The following TMEM100 variants were observed in gnomAD, a reference collection of about 807,000 sequenced individuals.
The protein encoded by TMEM100 is transmembrane protein 100.
For synonymous variants in TMEM100, 61 were observed against 67.1 expected, an observed-to-expected ratio of 0.91 and a Z score of 0.44; for missense variants, 137 against 168.2, an observed-to-expected ratio of 0.81 and a Z score of 1.02.
chr17:55,725,575 C>T (rs551205766), upstream of TMEM100, among the ~76,000 whole-genome samples: 14 of 152,164 alleles, frequency 9.2e-5, no homozygotes, highest in East Asian at 1.5e-3. Context: ...CATTAGGGAC[C>T]GTAAACAAAG....
upstream of TMEM100, among the ~76,000 whole-genome samples, chr17:55,725,597 G>A (rs1909044389): frequency 1.3e-5 from 2 of 152,028 alleles, no homozygotes; most frequent in South Asian, 4.1e-4. Flanking sequence ...ACTCAGCAAG[G>A]CTTAAACACA....
At chr17:55,727,068 A>G (rs2144870596), upstream of TMEM100, among the ~76,000 whole-genome samples, 1 of 152,260 alleles carries the variant, frequency 6.6e-6, no homozygotes, top group South Asian at 2.1e-4. Flanking sequence ...CTCTTACCCC[A>G]TTTTGTTCTG....
Position 55,722,656 on chromosome 17 carries a change from G to C in TMEM100, c.-103C>G, listed in dbSNP as rs374846449. 9.2e-5 allele frequency: 14 copies of C among 152,306 alleles called. 1 individual carries two copies. Among genetic ancestry groups the C allele is most frequent in the Admixed American group, 7.8e-4 (12 of 15,302 alleles). 9.4% of individuals were successfully genotyped at this position (152,306 alleles called of 1,614,324 possible). A position where few individuals can be genotyped will look rare whatever the true frequency, so the allele number is the denominator to read the frequency against. On this transcript the variant is annotated 5_prime_UTR_variant, in exon 1 of 2. Coordinates refer to ENST00000424486, the MANE Select transcript of TMEM100 (RefSeq NM_018286.3). Reference sequence around the variant, plus strand: ...CAATCCATTACCAGAGTAACCACTTGACTTGGAAGACAAGAAACAGCAACG... The same window carrying C: ...CAATCCATTACCAGAGTAACCACTTCACTTGGAAGACAAGAAACAGCAACG...
At chr17:55,725,701 A>ATATGTGTGTGTG (rs71363812), upstream of TMEM100, among the ~76,000 whole-genome samples, 21 of 139,676 alleles carry the variant, frequency 1.5e-4, no homozygotes, top group African/African-American at 4.3e-4. Flanking sequence ...ACCCATATAT[A>ATATGTGTGTGTG]TGTGTGTGTG....
rs901393584 is a variant in TMEM100, at chr17:55,720,034, T to C, written c.*632A>G. The C allele has an allele frequency of 6.6e-6, 1 of 152,636 alleles. No homozygotes were observed. Among genetic ancestry groups the C allele is most frequent in the Non-Finnish European group, 1.5e-5 (1 of 68,040 alleles). 9.5% of individuals were successfully genotyped at this position (152,636 alleles called of 1,614,324 possible). On this transcript the variant is annotated 3_prime_UTR_variant, in exon 2 of 2. Coordinates refer to ENST00000424486, the MANE Select transcript of TMEM100 (RefSeq NM_018286.3). ...TTAATTTAACCCCCAACAGCATCTATTAGCTATAACTTTAATGGGTTTTTC... is the reference window on the plus strand; with the variant it reads ...TTAATTTAACCCCCAACAGCATCTACTAGCTATAACTTTAATGGGTTTTTC...
At chr17:55,729,466 G>C (rs2144873325) in intron 1 of TMEM100, among the ~76,000 whole-genome samples, 1 of 152,292 alleles carries the variant, frequency 6.6e-6, no homozygotes, top group Non-Finnish European at 1.5e-5. Context: ...TGTTAGCGTA[G>C]CTATTCACTT....
chr17:55,726,059 T>A, upstream of TMEM100, among the ~76,000 whole-genome samples: 1 of 152,156 alleles, frequency 6.6e-6, no homozygotes, highest in Non-Finnish European at 1.5e-5. Context: ...GTGGTGAGAA[T>A]GGCATTTGGT....
intron 1 of TMEM100, among the ~76,000 whole-genome samples, chr17:55,728,344 T>C (rs1488562836): frequency 3.3e-5 from 5 of 152,186 alleles, no homozygotes; most frequent in African/African-American, 1.2e-4. Flanking sequence ...TAACTAGATT[T>C]AGTTTGGGAA....
At chr17:55,723,320 T>C (rs1908968783), upstream of TMEM100, among the ~76,000 whole-genome samples, 1 of 152,186 alleles carries the variant, frequency 6.6e-6, no homozygotes, top group Non-Finnish European at 1.5e-5. Flanking sequence ...CCATTATTCT[T>C]TATATGTGCG....
At chr17:55,722,508 A>G (rs918310803) in intron 1 of TMEM100, 111 bp downstream of exon 1, 2 of 152,230 alleles carry the variant, frequency 1.3e-5, no homozygotes, top group Non-Finnish European at 2.9e-5. Context: ...ACTTCTGGTG[A>G]GGCCAGTTAA....
chr17:55,725,552 A>T (rs1909042619), upstream of TMEM100, among the ~76,000 whole-genome samples: 1 of 152,122 alleles, frequency 6.6e-6, no homozygotes, highest in Admixed American at 6.6e-5. Flanking sequence ...AGACAGGGGG[A>T]TGCAAATCAC....
chr17:55,720,372 A>G lies in TMEM100; in HGVS notation c.*294T>C. 1 of 339,866 alleles carries G rather than the reference A, an allele frequency of 2.9e-6. No individual in the cohort carries two copies. Among genetic ancestry groups the G allele is most frequent in the East Asian group, 4.8e-5 (1 of 20,824 alleles). The allele number at this position is 339,866 out of a possible 1,614,324, so 21.1% of individuals were successfully genotyped here. On this transcript the variant is annotated 3_prime_UTR_variant, in exon 2 of 2. Transcript: ENST00000424486. The stretch of plus-strand genomic sequence containing the variant: ...TTTCTCATCTTTTCTTGGCTACTTT[A>G]CAGGGTGAACCAAATACTGTCTAAT...
intron 1 of TMEM100, 147 bp from the exon 2 acceptor site, chr17:55,721,282 C>T (rs1908878826): frequency 1.8e-6 from 1 of 560,772 alleles, no homozygotes; most frequent in Non-Finnish European, 3.0e-6. Flanking sequence ...TGGTTGCATT[C>T]TCTTTGCATT....
chr17:55,723,312 A>G (rs1037782243), upstream of TMEM100, among the ~76,000 whole-genome samples: 4 of 149,436 alleles, frequency 2.7e-5, no homozygotes, highest in African/African-American at 1.0e-4. Flanking sequence ...TAGGTTTTCC[A>G]TTATTCTTTA....
In TMEM100 at chr17:55,720,613, C is replaced by A. The variant is rs2144860513; in HGVS notation, c.*53G>T. ...CCATGGTTCTGGGTGAATTGGGTGA[C>A]AAAGTCAGAGCACGTTTTCCAGGCC... is the stretch of plus-strand genomic sequence containing the variant. On this transcript the variant is annotated 3_prime_UTR_variant, in exon 2 of 2. Transcript: ENST00000424486. 1 of 1,532,016 alleles carries A rather than the reference C, an allele frequency of 6.5e-7. No homozygotes were observed. The highest frequency in any genetic ancestry group is 2.0e-5 in the Admixed American group (1 of 49,128). The allele number at this position is 1,532,016 out of a possible 1,614,324, so 94.9% of individuals were successfully genotyped here. A position where few individuals can be genotyped will look rare whatever the true frequency, so the allele number is the denominator to read the frequency against.
At chr17:55,721,203 G>A (rs117852529) in intron 1 of TMEM100, 68 bp from the exon 2 acceptor site, 11,629 of 1,074,442 alleles carry the variant, frequency 0.011, 172 homozygotes, top group South Asian at 0.06. Context: ...GAAATGAAAA[G>A]CTGGGGAGGC....
chr17:55,730,754 G>C (rs1241603943), intron 1 of TMEM100, among the ~76,000 whole-genome samples: 1 of 152,178 alleles, frequency 6.6e-6, no homozygotes, highest in Non-Finnish European at 1.5e-5. Flanking sequence ...ACTTTGCCCA[G>C]CTGAACTGAG....
Position 55,720,710 on chromosome 17 carries a change from T to C in TMEM100, c.361A>G (p.Ser121Gly), listed in dbSNP as rs1375494193. Residue 121 changes from serine (S) to glycine (G), a missense_variant, in exon 2 of 2, where the codon AGT becomes GGT. By Grantham distance (56) the Ser-to-Gly change is moderately conservative (BLOSUM62 0). Transcript: ENST00000424486. Reference protein sequence around the residue: ...QRSKKAKRRESQTALVANQRS... With the variant: ...QRSKKAKRREGQTALVANQRS... Reference sequence around the variant, plus strand: ...TGATTTGCCACGAGAGCTGTTTGACTCTCCCGTCTCTTGGCTTTCTTGCTC... The same window carrying C: ...TGATTTGCCACGAGAGCTGTTTGACCCTCCCGTCTCTTGGCTTTCTTGCTC... 3.7e-6 allele frequency: 6 copies of C among 1,613,444 alleles called. No homozygotes were observed. In the African/African-American group the frequency reaches 6.7e-5, roughly 18 times the overall value.
chr17:55,723,772 C>T (rs1229262042), upstream of TMEM100, among the ~76,000 whole-genome samples: 2 of 152,092 alleles, frequency 1.3e-5, no homozygotes, highest in Admixed American at 6.6e-5. Context: ...ATGTTGAGAC[C>T]TCTGTTCCTT....
Sources: allele counts gnomAD v4.1 joint callset (sites outside exome capture counted in the v4.1 genomes callset), GRCh38; gene constraint gnomAD v4.1.1; transcripts MANE v1.5; gene names NCBI Gene and HGNC (gene_info 2026-07-23, HGNC 2026-07-21).